PDE1C: variants seen among roughly 807,000 people sequenced by gnomAD.
PDE1C encodes phosphodiesterase 1C.
In PDE1C, 62 loss-of-function variants were observed where a neutral mutation model predicts 93.1. The ratio of observed to expected loss-of-function variants is 0.67; its 90% confidence interval spans 0.54 to 0.82. The LOEUF (loss-of-function observed/expected upper bound fraction) is 0.82, where lower values mean the gene tolerates loss of function less well. PDE1C is among the 40% of genes least tolerant of loss of function. PDE1C has a pLI of 0.00. For synonymous variants in PDE1C, 325 were observed against 310.1 expected (o/e 1.05, Z -0.50); for missense variants, 742 against 884.6 (o/e 0.84, Z 2.04).
chr7:31,864,849 C>T lies in PDE1C; in HGVS notation c.750+93G>A, dbSNP rs372761877. 963 of 1,187,914 alleles carry T rather than the reference C, an allele frequency of 8.1e-4. 14 individuals are homozygous for T. In the South Asian group the frequency reaches 0.012, roughly 15 times the overall value. The allele number at this position is 1,187,914 out of a possible 1,614,324, so 73.6% of individuals were successfully genotyped here. ...GAAGTCCATAAAACAATGCATGACTCGTGGCCTCCACCTCATCAGAATTGG... is the reference window on the plus strand; with the variant it reads ...GAAGTCCATAAAACAATGCATGACTTGTGGCCTCCACCTCATCAGAATTGG... On this transcript the variant is annotated intron_variant, in intron 7 of 17. Transcript: ENST00000396191.
At chr7:31,802,339 T>A (rs1281748694) in intron 16 of PDE1C, among the ~76,000 whole-genome samples, 3 of 151,596 alleles carry the variant, frequency 2.0e-5, no homozygotes, top group African/African-American at 7.2e-5. Flanking sequence ...AACCTTACAA[T>A]AGATATCCCA....
At chr7:32,293,962 G>C (rs145525607) in intron 1 of PDE1C, among the ~76,000 whole-genome samples, 3 of 152,132 alleles carry the variant, frequency 2.0e-5, no homozygotes, top group Non-Finnish European at 4.4e-5. Context: ...TCAGAAAGTC[G>C]TCAACCATAT....
chr7:31,657,274 C>T, the PDE1C span, among the ~76,000 whole-genome samples: 10 of 144,164 alleles, frequency 6.9e-5, no homozygotes, highest in Non-Finnish European at 1.2e-4. Context: ...TTTGTTAAAT[C>T]AATGGTTTGT....
chr7:32,363,578 A>C (rs1298565537), intron 1 of PDE1C, among the ~76,000 whole-genome samples: 2 of 152,388 alleles, frequency 1.3e-5, no homozygotes, highest in East Asian at 3.9e-4. Context: ...CACTTACAGG[A>C]AGATTTCCAA....
intron 2 of PDE1C, among the ~76,000 whole-genome samples, chr7:31,900,987 T>C (rs1024097037): frequency 6.7e-6 from 1 of 150,160 alleles, no homozygotes; most frequent in Non-Finnish European, 1.5e-5. Context: ...AACAATTACA[T>C]AGTAAACCAG....
chr7:32,194,446 C>A (rs1804467457), intron 2 of PDE1C, among the ~76,000 whole-genome samples: 2 of 152,302 alleles, frequency 1.3e-5, no homozygotes, highest in South Asian at 4.1e-4. Context: ...TTAGGTCTAA[C>A]AGATTCTACT....
At chr7:32,231,703 T>C (rs1212003564) in intron 1 of PDE1C, among the ~76,000 whole-genome samples, 1 of 152,162 alleles carries the variant, frequency 6.6e-6, no homozygotes, top group Non-Finnish European at 1.5e-5. Context: ...AGATCAATTC[T>C]GAGTACAGTT....
Position 31,850,727 on chromosome 7 carries a change from C to G in PDE1C, c.765G>C (p.Glu255Asp). The stretch of plus-strand genomic sequence containing the variant: ...AGAAGATTATAGCAAAGATCTCCAG[C>G]TCCGTCAGCCAGTTCTGAAAGGAGA... ...YKTGVANWLT[E>D]LEIFAIIFSA... Residue 255 changes from glutamate (E) to aspartate (D), a missense_variant, in exon 8 of 18, where the codon GAG (glutamate) becomes GAC (aspartate). Physicochemically the swap from Glu to Asp is conservative, Grantham distance 45 (BLOSUM62 2). This residue lies in a region of PDE1C where 205 missense variants were observed against 295.3 expected (regional missense o/e 0.69). Coordinates refer to ENST00000396191, the MANE Select transcript of PDE1C (RefSeq NM_001191057.4). The G allele has an allele frequency of 6.2e-7, 1 of 1,611,984 alleles. No individual in the cohort carries two copies. Among genetic ancestry groups the G allele is most frequent in the Non-Finnish European group, 8.5e-7 (1 of 1,178,214 alleles).
At chr7:31,627,985 G>C in the PDE1C span, among the ~76,000 whole-genome samples, 1 of 152,102 alleles carries the variant, frequency 6.6e-6, no homozygotes, top group Non-Finnish European at 1.5e-5. Context: ...GGGATTCAAG[G>C]AACCAACAAG....
At chr7:32,303,741 G>T (rs1397403220), upstream of PDE1C, among the ~76,000 whole-genome samples, 1 of 152,052 alleles carries the variant, frequency 6.6e-6, no homozygotes, top group East Asian at 1.9e-4. Flanking sequence ...TTTCCACAAA[G>T]GGGCAATTTT....
At chr7:32,075,665 G>A (rs1254244692), upstream of PDE1C, among the ~76,000 whole-genome samples, 1 of 152,112 alleles carries the variant, frequency 6.6e-6, no homozygotes, top group Non-Finnish European at 1.5e-5. Context: ...TCTGAAATGG[G>A]GCTCTGAATA....
intron 16 of PDE1C, among the ~76,000 whole-genome samples, chr7:31,808,584 G>A (rs1321171310): frequency 6.6e-6 from 1 of 151,628 alleles, no homozygotes; most frequent in Non-Finnish European, 1.5e-5. Flanking sequence ...CCCTGTTTTT[G>A]TTTTTGTTTT....
At chr7:31,832,874 A>G (rs1343291466) in intron 11 of PDE1C, among the ~76,000 whole-genome samples, 1 of 152,234 alleles carries the variant, frequency 6.6e-6, no homozygotes, top group Admixed American at 6.5e-5. Flanking sequence ...TCTCATAATT[A>G]GAAAAAGAAT....
At chr7:32,404,193 GC>G (rs1412655616) in intron 1 of PDE1C, among the ~76,000 whole-genome samples, 1 of 152,184 alleles carries the variant, frequency 6.6e-6, no homozygotes, top group African/African-American at 2.4e-5. Context: ...CCATGGTGGT[GC>G]CTATTCCATA....
intron 1 of PDE1C, among the ~76,000 whole-genome samples, chr7:32,388,281 G>A (rs1392953065): frequency 6.6e-6 from 1 of 152,166 alleles, no homozygotes; most frequent in Non-Finnish European, 1.5e-5. Flanking sequence ...ATGATCAGAG[G>A]TCAGGAACAA....
chr7:32,028,665 A>G (rs1789813540), intron 2 of PDE1C, among the ~76,000 whole-genome samples: 2 of 152,148 alleles, frequency 1.3e-5, no homozygotes, highest in Non-Finnish European at 2.9e-5. Flanking sequence ...GCTAGTTAAC[A>G]TATCCATCAC....
chr7:31,860,465 T>C (rs910449690), intron 7 of PDE1C, among the ~76,000 whole-genome samples: 3 of 152,226 alleles, frequency 2.0e-5, no homozygotes, highest in Non-Finnish European at 2.9e-5. Context: ...ATTAAAACTG[T>C]ATAAGTTTAT....
intron 11 of PDE1C, among the ~76,000 whole-genome samples, chr7:31,833,511 A>C (rs1356428014): frequency 6.6e-6 from 1 of 152,160 alleles, no homozygotes; most frequent in Non-Finnish European, 1.5e-5. Flanking sequence ...ATGTCTTTGA[A>C]CAAAATGTTG....
intron 1 of PDE1C, among the ~76,000 whole-genome samples, chr7:32,223,697 C>A (rs1807047115): frequency 6.6e-6 from 1 of 152,210 alleles, no homozygotes; most frequent in Non-Finnish European, 1.5e-5. Context: ...CCCCCAGCAG[C>A]CTCATTCTCT....
Sources: gnomAD v4.1 joint callset for allele counts (sites outside exome capture counted in the v4.1 genomes callset) on GRCh38, gnomAD v4.1.1 for gene constraint, gnomAD v4.1.1 regional missense constraint, MANE v1.5 for transcripts, NCBI Gene and HGNC (gene_info 2026-07-23, HGNC 2026-07-21) for gene names.